Variants in MYO10 observed in about 807,000 individuals in gnomAD.
The protein encoded by MYO10 is myosin X.
Under a neutral mutation model 257.3 loss-of-function variants are expected in MYO10, and 133 were observed. The observed-to-expected ratio is 0.52, with a 90% CI of 0.45 to 0.60. The LOEUF (loss-of-function observed/expected upper bound fraction) is 0.60. MYO10 is among the 20% of genes least tolerant of loss of function. The probability of loss-of-function intolerance (pLI) is 0.00; values close to 1 mark genes in which losing one functional copy is unlikely to be tolerated. For missense variants in MYO10, 2,399 were observed against 2,635.7 expected, an observed-to-expected ratio of 0.91 and a Z score of 1.97; for synonymous variants, 1,104 against 1,028.6, an observed-to-expected ratio of 1.07 and a Z score of -1.40.
intron 3 of MYO10, among the ~76,000 whole-genome samples, 164 bp from the exon 4 acceptor site, chr5:16,794,997 A>G (rs1198628693): frequency 6.6e-6 from 1 of 152,188 alleles, no homozygotes; most frequent in Admixed American, 6.5e-5. Context: ...ATTCTGGACA[A>G]ATGAATGAAG....
chr5:16,686,254 A>G (rs139571293), intron 28 of MYO10, among the ~76,000 whole-genome samples: 2 of 152,184 alleles, frequency 1.3e-5, no homozygotes, highest in Admixed American at 6.5e-5. Context: ...TTAAAACATA[A>G]ATTTTAAGGT....
rs751408915 is a variant in MYO10, at chr5:16,671,527, G to A, written c.5325C>T (p.Ser1775=). The A allele has an allele frequency of 6.1e-5, 99 of 1,613,824 alleles. 1 individual carries two copies. The South Asian group carries it at 6.6e-4, about 11-fold the overall frequency. Reference sequence around the variant, plus strand: ...ATTTCCATGGCAGGTCCCCAACCTCGGATGTGGCAGCCAGCCTACAGAGAG... The same window carrying A: ...ATTTCCATGGCAGGTCCCCAACCTCAGATGTGGCAGCCAGCCTACAGAGAG... ...LAKFEKLAAT[S]EVGDLPWKFY... Residue 1775 remains serine (S), a synonymous_variant, in exon 38 of 41, where the codon TCC becomes TCT. Coordinates refer to ENST00000513610, the MANE Select transcript of MYO10 (RefSeq NM_012334.3).
chr5:16,905,174 C>T (rs1363613038), intron 1 of MYO10, among the ~76,000 whole-genome samples: 1 of 152,130 alleles, frequency 6.6e-6, no homozygotes, highest in African/African-American at 2.4e-5. Flanking sequence ...GATGGTATGG[C>T]GAACTGTAAG....
chr5:16,912,443 C>T (rs568080888), intron 1 of MYO10, among the ~76,000 whole-genome samples: 38 of 152,210 alleles, frequency 2.5e-4, no homozygotes, highest in African/African-American at 8.9e-4. Flanking sequence ...CCTGAGGCCC[C>T]ATATTTGTAG....
At chr5:16,728,201 C>G (rs1420978909) in intron 19 of MYO10, among the ~76,000 whole-genome samples, 1 of 152,180 alleles carries the variant, frequency 6.6e-6, no homozygotes. Context: ...CCAACTTCCT[C>G]TCTCTCAATG....
At chr5:16,713,171 T>A (rs373343801) in intron 19 of MYO10, among the ~76,000 whole-genome samples, 1 of 152,170 alleles carries the variant, frequency 6.6e-6, no homozygotes, top group Non-Finnish European at 1.5e-5. Context: ...ATCCAAAATA[T>A]CTCTATCTCT....
chr5:16,935,818 G>A lies in MYO10; in HGVS notation c.-10C>T, dbSNP rs765701954. 5.6e-6 allele frequency: 9 copies of A among 1,613,026 alleles called. No individual in the cohort carries two copies. Among genetic ancestry groups the A allele is most frequent in the Admixed American group, 3.3e-5 (2 of 59,982 alleles). ...TGAAGAAGTTATCCATTGTTCCAGC[G>A]CAGTCCCGGACTCGCCGAGTGCCGC... is the stretch of plus-strand genomic sequence containing the variant. On this transcript the variant is annotated 5_prime_UTR_variant, in exon 1 of 41. Coordinates refer to ENST00000513610, the MANE Select transcript of MYO10 (RefSeq NM_012334.3).
At chr5:16,904,725 C>T (rs1183923438) in intron 1 of MYO10, among the ~76,000 whole-genome samples, 2 of 152,048 alleles carry the variant, frequency 1.3e-5, no homozygotes, top group African/African-American at 2.4e-5. Flanking sequence ...GTCAGGAGAT[C>T]GAGACCATCC....
chr5:16,715,369 G>A (rs886719027), intron 19 of MYO10, among the ~76,000 whole-genome samples: 5 of 150,098 alleles, frequency 3.3e-5, no homozygotes, highest in Non-Finnish European at 1.5e-5. Flanking sequence ...CTACAGATAT[G>A]GCGATGGTGC....
chr5:16,781,785 T>C lies in MYO10; in HGVS notation c.647A>G (p.Asn216Ser), dbSNP rs1398032011. The C allele has an allele frequency of 1.2e-6, 2 of 1,613,820 alleles. No homozygotes were observed. Among genetic ancestry groups the C allele is most frequent in the East Asian group, 2.2e-5 (1 of 44,888 alleles). The part of the protein sequence containing the change: ...AFGNAKTVYN[N>S]NSSRFGKFVQ... ...AAACTTCCCAAAGCGACTAGAGTTG[T>C]TGTTGTACACGGTCTTCGCATTGCC... The change falls in exon 6 of 41, where the codon AAC becomes AGC. Residue 216 changes from asparagine to serine, a missense_variant. This residue lies in a region of MYO10 where 337 missense variants were observed against 446.8 expected (regional missense o/e 0.75). Coordinates refer to ENST00000513610, the MANE Select transcript of MYO10 (RefSeq NM_012334.3).
intron 3 of MYO10, among the ~76,000 whole-genome samples, chr5:16,795,337 C>T (rs1041626864): frequency 1.3e-5 from 2 of 152,216 alleles, no homozygotes; most frequent in Non-Finnish European, 2.9e-5. Context: ...GGCCTGGTGG[C>T]TCATGCCTGT....
At chr5:16,823,036 G>GAATT (rs938303740) in intron 2 of MYO10, among the ~76,000 whole-genome samples, 1 of 152,016 alleles carries the variant, frequency 6.6e-6, no homozygotes, top group African/African-American at 2.4e-5. Context: ...TCTTACTGAA[G>GAATT]AATTTCTTAA....
intron 19 of MYO10, among the ~76,000 whole-genome samples, chr5:16,714,152 C>T (rs1255495922): frequency 1.3e-5 from 2 of 151,882 alleles, no homozygotes; most frequent in Non-Finnish European, 2.9e-5. Context: ...ACTTAGATAG[C>T]GGAAAGCCTA....
chr5:16,842,581 C>T (rs965621401), intron 2 of MYO10, among the ~76,000 whole-genome samples: 1 of 152,130 alleles, frequency 6.6e-6, no homozygotes, highest in African/African-American at 2.4e-5. Flanking sequence ...GAATACTTCC[C>T]CCTTCCCTCG....
chr5:16,806,219 G>A (rs1268881177), intron 3 of MYO10, among the ~76,000 whole-genome samples: 1 of 151,826 alleles, frequency 6.6e-6, no homozygotes, highest in East Asian at 1.9e-4. Context: ...GCATGGTGGC[G>A]GGCACCTGTA....
chr5:16,790,092 G>A (rs369061104), intron 4 of MYO10, among the ~76,000 whole-genome samples: 3 of 151,386 alleles, frequency 2.0e-5, no homozygotes, highest in African/African-American at 7.3e-5. Flanking sequence ...GTTTTGTTCC[G>A]CATTCCAACA....
intron 19 of MYO10, among the ~76,000 whole-genome samples, chr5:16,723,647 A>G (rs1001115695): frequency 9.2e-5 from 14 of 152,232 alleles, no homozygotes; most frequent in Admixed American, 2.0e-4. Context: ...TTACGTCCAC[A>G]CAAAAATCTG....
intron 33 of MYO10, among the ~76,000 whole-genome samples, chr5:16,679,528 T>G (rs1391748040): frequency 6.8e-6 from 1 of 146,766 alleles, no homozygotes; most frequent in African/African-American, 2.6e-5. Flanking sequence ...TTGGGTGTTT[T>G]TTTTTTTTTT....
At chr5:16,691,954 T>C (rs1293159892) in intron 27 of MYO10, among the ~76,000 whole-genome samples, 1 of 152,168 alleles carries the variant, frequency 6.6e-6, no homozygotes, top group East Asian at 1.9e-4. Flanking sequence ...CGAGCTAACA[T>C]GTTCCATTAC....
Sources: gnomAD v4.1 joint callset for allele counts (sites outside exome capture counted in the v4.1 genomes callset) on GRCh38, gnomAD v4.1.1 for gene constraint, gnomAD v4.1.1 regional missense constraint, MANE v1.5 for transcripts, NCBI Gene and HGNC (gene_info 2026-07-23, HGNC 2026-07-21) for gene names.